Variants in IGFL2 observed in about 807,000 individuals in gnomAD.
The protein encoded by IGFL2 is insulin growth factor-like family member 2.
A neutral mutation model predicts 13.9 loss-of-function variants in IGFL2; 7 were observed. The observed-to-expected ratio is 0.51, with a 90% CI of 0.29 to 0.95. The LOEUF (loss-of-function observed/expected upper bound fraction) is 0.95, where lower values mean the gene tolerates loss of function less well. Ranked by LOEUF, IGFL2 falls within the 40% of genes least tolerant of loss-of-function variation. The probability of loss-of-function intolerance (pLI) is 0.08; values close to 1 mark genes in which losing one functional copy is unlikely to be tolerated. For synonymous variants in IGFL2, 55 were observed against 55.8 expected, an observed-to-expected ratio of 0.99 and a Z score of 0.07; for missense variants, 138 against 147.8, an observed-to-expected ratio of 0.93 and a Z score of 0.34.
At chr19:46,212,420 T>A in the IGFL2 span, 1 of 152,240 alleles carries the variant, frequency 6.6e-6, no homozygotes, top group East Asian at 1.9e-4. Context: ...GGCTTGTCCA[T>A]ACCAGGTGTG....
the IGFL2 span, among the ~76,000 whole-genome samples, chr19:46,182,050 A>G: frequency 1.3e-5 from 2 of 152,126 alleles, no homozygotes; most frequent in East Asian, 3.8e-4. Context: ...TTATATCATT[A>G]TTTTTGAATG....
At chr19:46,180,531 A>C in the IGFL2 span, 1 of 152,176 alleles carries the variant, frequency 6.6e-6, no homozygotes, top group African/African-American at 2.4e-5. Flanking sequence ...GTATTAGTCA[A>C]GGTTCTCTAG....
the IGFL2 span, among the ~76,000 whole-genome samples, chr19:46,181,985 A>G: frequency 6.6e-6 from 1 of 152,116 alleles, no homozygotes; most frequent in African/African-American, 2.4e-5. Flanking sequence ...CCTATAATAC[A>G]TGTTCACTGG....
At chr19:46,142,545 C>T (rs1193511595), upstream of IGFL2, among the ~76,000 whole-genome samples, 1 of 152,156 alleles carries the variant, frequency 6.6e-6, no homozygotes, top group African/African-American at 2.4e-5. Flanking sequence ...AAAAACAATG[C>T]ACTGTGATGT....
upstream of IGFL2, among the ~76,000 whole-genome samples, chr19:46,139,386 G>C (rs1313359708): frequency 6.6e-6 from 1 of 150,828 alleles, no homozygotes; most frequent in Admixed American, 6.6e-5. Context: ...TGAATTCTAA[G>C]ATTTTAAGGC....
At chr19:46,079,170 C>G in the IGFL2 span, among the ~76,000 whole-genome samples, 2 of 152,280 alleles carry the variant, frequency 1.3e-5, no homozygotes, top group East Asian at 1.9e-4. Context: ...GCGGCTTTGG[C>G]CGCCATGTTT....
the IGFL2 span, among the ~76,000 whole-genome samples, chr19:46,194,830 T>TTATA: frequency 1.9e-3 from 90 of 46,784 alleles, 1 homozygote; most frequent in South Asian, 2.8e-3. Context: ...CTTCCTCATT[T>TTATA]TATATATATA....
chr19:46,194,850 ATATTTTTTT>A, the IGFL2 span, among the ~76,000 whole-genome samples: 1 of 35,620 alleles, frequency 2.8e-5, no homozygotes, highest in South Asian at 1.1e-3. Context: ...ATATATATAT[ATATTTTTTT>A]TTTTTTTTTT....
the IGFL2 span, among the ~76,000 whole-genome samples, chr19:46,186,323 G>A: frequency 6.6e-6 from 1 of 152,198 alleles, no homozygotes; most frequent in African/African-American, 2.4e-5. Flanking sequence ...GCGCCACCTG[G>A]CAGTCACTTT....
chr19:46,078,897 A>G, the IGFL2 span, among the ~76,000 whole-genome samples: 1,286 of 85,160 alleles, frequency 0.015, 20 homozygotes, highest in Middle Eastern at 0.025. Flanking sequence ...TCGTCAGTAG[A>G]CATCGCGCAG....
At chr19:46,131,696 T>C in the IGFL2 span, among the ~76,000 whole-genome samples, 8 of 152,192 alleles carry the variant, frequency 5.3e-5, 1 homozygote, top group Admixed American at 4.6e-4. Context: ...CGCAGCACTT[T>C]GGGTGGCTGA....
the IGFL2 span, among the ~76,000 whole-genome samples, chr19:46,168,669 C>CT: frequency 2.6e-5 from 4 of 152,110 alleles, no homozygotes; most frequent in Admixed American, 6.5e-5. Context: ...GCTTGTCCCC[C>CT]TTTTTTTGCC....
the IGFL2 span, chr19:46,209,825 T>C: frequency 6.6e-6 from 1 of 152,224 alleles, no homozygotes; most frequent in Admixed American, 6.5e-5. Context: ...GTCTTAACTA[T>C]CCTGGGCCAT....
At chr19:46,122,172 C>T in the IGFL2 span, among the ~76,000 whole-genome samples, 1 of 150,938 alleles carries the variant, frequency 6.6e-6, no homozygotes, top group South Asian at 2.1e-4. Context: ...CATCCACTTC[C>T]ATTGCCCTGA....
chr19:46,159,055 A>G (rs1316415564), intron 1 of IGFL2: 2 of 152,138 alleles, frequency 1.3e-5, no homozygotes, highest in African/African-American at 2.4e-5. Flanking sequence ...TATTATTACA[A>G]TCTGCACTCT....
the IGFL2 span, chr19:46,137,543 T>C: frequency 9.4e-7 from 1 of 1,065,572 alleles, no homozygotes; most frequent in Admixed American, 1.7e-5. Context: ...CAAGGGAATG[T>C]CCATGGAATC....
the IGFL2 span, chr19:46,197,335 C>A: frequency 1.6e-4 from 26 of 166,172 alleles, no homozygotes; most frequent in African/African-American, 5.2e-4. Context: ...GGGCTGCATG[C>A]CTGTTCTGCC....
chr19:46,183,094 GA>G, the IGFL2 span, among the ~76,000 whole-genome samples: 2 of 152,156 alleles, frequency 1.3e-5, no homozygotes. Flanking sequence ...GAGGCCTCGG[GA>G]AACTCGACTT....
the IGFL2 span, among the ~76,000 whole-genome samples, chr19:46,181,805 C>T: frequency 5.9e-5 from 9 of 152,318 alleles, no homozygotes; most frequent in Non-Finnish European, 1.0e-4. Context: ...GTCTTTGCAA[C>T]AATACTGGTT....
Sources: gnomAD v4.1 joint callset for allele counts (sites outside exome capture counted in the v4.1 genomes callset) on GRCh38, gnomAD v4.1.1 for gene constraint, MANE v1.5 for transcripts, NCBI Gene and HGNC (gene_info 2026-07-23, HGNC 2026-07-21) for gene names.